The following NPAS3 variants were observed in gnomAD, a reference collection of about 807,000 sequenced individuals.
The protein encoded by NPAS3 is neuronal PAS domain protein 3, also known as neuronal PAS domain-containing protein 3.
A neutral mutation model predicts 73.1 loss-of-function variants in NPAS3; 14 were observed. The observed-to-expected ratio is 0.19, with a 90% CI of 0.13 to 0.30. NPAS3 has a LOEUF of 0.30. Among genes scored for constraint, NPAS3 ranks in the 10% least tolerant of loss-of-function variants. The pLI, the probability that NPAS3 is intolerant of heterozygous loss-of-function variation, is 1.00. For missense variants in NPAS3, 1,096 were observed against 1,250.0 expected, an observed-to-expected ratio of 0.88 and a Z score of 1.86; for synonymous variants, 620 against 541.5, an observed-to-expected ratio of 1.14 and a Z score of -2.01.
At chr14:33,216,921 G>A (rs1594419807) in intron 3 of NPAS3, among the ~76,000 whole-genome samples, 1 of 152,036 alleles carries the variant, frequency 6.6e-6, no homozygotes, top group African/African-American at 2.4e-5. Flanking sequence ...CTGCCCTTGA[G>A]CATGTAGATA....
intron 1 of NPAS3, among the ~76,000 whole-genome samples, chr14:32,941,371 T>G (rs1250773905): frequency 1.5e-5 from 2 of 136,128 alleles, no homozygotes; most frequent in Non-Finnish European, 3.1e-5. Context: ...CTGTTGTTAA[T>G]AAATATGTTT....
At chr14:33,564,949 C>T (rs1293520640) in intron 5 of NPAS3, among the ~76,000 whole-genome samples, 1 of 152,172 alleles carries the variant, frequency 6.6e-6, no homozygotes, top group Non-Finnish European at 1.5e-5. Flanking sequence ...CCCCCACTGC[C>T]TCCAGTCCCC....
At chr14:33,712,403 T>C (rs1316719035) in intron 6 of NPAS3, among the ~76,000 whole-genome samples, 3 of 152,212 alleles carry the variant, frequency 2.0e-5, no homozygotes, top group Admixed American at 2.0e-4. Flanking sequence ...GCAAATAAGA[T>C]GCAAACAGGC....
At chr14:33,391,643 G>A (rs969275075) in intron 4 of NPAS3, among the ~76,000 whole-genome samples, 1 of 152,214 alleles carries the variant, frequency 6.6e-6, no homozygotes, top group African/African-American at 2.4e-5. Context: ...AAGAGAGAGT[G>A]TGTGTGAACA....
intron 4 of NPAS3, among the ~76,000 whole-genome samples, chr14:33,468,856 T>G (rs536461781): frequency 6.6e-6 from 1 of 152,132 alleles, no homozygotes; most frequent in East Asian, 1.9e-4. Flanking sequence ...TTAAAGGGAG[T>G]CTTGCCTTGT....
chr14:33,593,663 A>G (rs1050551218), intron 5 of NPAS3, among the ~76,000 whole-genome samples: 2 of 152,234 alleles, frequency 1.3e-5, no homozygotes, highest in East Asian at 3.8e-4. Flanking sequence ...AATGATTTCT[A>G]AGGTTTCTTC....
chr14:32,966,496 C>T (rs559791530), intron 1 of NPAS3, among the ~76,000 whole-genome samples: 2 of 152,162 alleles, frequency 1.3e-5, no homozygotes, highest in Admixed American at 6.5e-5. Flanking sequence ...TGGATATCTA[C>T]ATGTGGAAGA....
rs930024532 is a variant in NPAS3 at position 33,329,016 on chromosome 14, AT to A, written c.386-38162del. On this transcript the variant is annotated intron_variant, in intron 3 of 11. Coordinates refer to ENST00000356141, the Ensembl canonical transcript of NPAS3. Reference sequence around the variant, plus strand: ...CTAACATGTAAGGACTTTTTTCTCTATTTTTTTTGGCATTAATTTTACTGCT... The same window carrying A: ...CTAACATGTAAGGACTTTTTTCTCTATTTTTTTGGCATTAATTTTACTGCT... Among the ~76,000 whole-genome samples, 116 of 151,608 alleles carry A rather than the reference AT, an allele frequency of 7.7e-4. 1 individual carries two copies. Among genetic ancestry groups the A allele is most frequent in the African/African-American group, 1.8e-3 (75 of 41,320 alleles).
intron 2 of NPAS3, among the ~76,000 whole-genome samples, chr14:33,110,714 T>C (rs1470273798): frequency 6.6e-6 from 1 of 152,210 alleles, no homozygotes; most frequent in African/African-American, 2.4e-5. Flanking sequence ...TACTGCTTCC[T>C]GGGATTCATA....
chr14:33,236,547 T>A (rs1222961475), intron 3 of NPAS3, among the ~76,000 whole-genome samples: 1 of 152,064 alleles, frequency 6.6e-6, no homozygotes, highest in Non-Finnish European at 1.5e-5. Context: ...TGTGAGAGCA[T>A]CGAATATCAG....
At chr14:33,374,385 C>A (rs2046227447) in intron 4 of NPAS3, among the ~76,000 whole-genome samples, 1 of 152,014 alleles carries the variant, frequency 6.6e-6, no homozygotes. Flanking sequence ...TGGTAAAGGG[C>A]ATATCCTAGA....
At position 33,800,873 on chromosome 14, in the gene NPAS3, G is replaced by T. The variant is rs749733143; in HGVS notation, c.2566G>T (p.Val856Phe). ...CGCGCACGCTGTTAACTTCGTGGAC[G>T]TTAACAGCCCCGGCTTTGGCCTCGA... Residue 856 changes from valine to phenylalanine, a missense_variant, in exon 12 of 12, where the codon GTT becomes TTT. Physicochemically the swap from Val to Phe is conservative, Grantham distance 50. This residue lies in a region of NPAS3 where 698 missense variants were observed against 676.7 expected (regional missense o/e 1.03). Transcript: ENST00000356141. This position sits in a 1 kb window ranked among gnomAD's most constrained non-coding sequence, Gnocchi z 6.5. The T allele has an allele frequency of 1.2e-6, 2 of 1,606,372 alleles. No individual in the cohort carries two copies. Among genetic ancestry groups the T allele is most frequent in the East Asian group, 4.5e-5 (2 of 44,448 alleles).
At chr14:33,139,814 A>T (rs1464034582) in intron 2 of NPAS3, among the ~76,000 whole-genome samples, 1 of 152,214 alleles carries the variant, frequency 6.6e-6, no homozygotes, top group Non-Finnish European at 1.5e-5. Context: ...TGCAGATCGT[A>T]GAACACTTCC....
intron 7 of NPAS3, among the ~76,000 whole-genome samples, chr14:33,761,270 C>A (rs2062278512): frequency 6.6e-6 from 1 of 152,030 alleles, no homozygotes; most frequent in Non-Finnish European, 1.5e-5. Context: ...GCTCACTAAG[C>A]CTTTACACTG....
At chr14:32,953,653 G>C (rs117670870) in intron 1 of NPAS3, among the ~76,000 whole-genome samples, 4 of 152,082 alleles carry the variant, frequency 2.6e-5, no homozygotes, top group Admixed American at 2.6e-4. Flanking sequence ...TGAATGCCGG[G>C]TCGGAGATGA....
At chr14:33,531,813 ACT>A (rs1270583811) in intron 4 of NPAS3, among the ~76,000 whole-genome samples, 3 of 152,122 alleles carry the variant, frequency 2.0e-5, no homozygotes, top group African/African-American at 7.2e-5. Flanking sequence ...GTTATTCTGC[ACT>A]GTTGTCAGCA....
Position 33,365,051 on chromosome 14 carries a change from T to C in NPAS3, c.386-2135T>C, listed in dbSNP as rs556083430. Among the ~76,000 whole-genome samples the C allele has an allele frequency of 1.3e-4, 19 of 151,848 alleles. No homozygotes were observed. The East Asian group carries it at 3.5e-3, about 28-fold the overall frequency. ...CAGTGATTTATTTTGAACTTTGTAA[T>C]TGGAGTCCCTGAAGTGCCCCCCCAA... On this transcript the variant is annotated intron_variant, in intron 3 of 11. Coordinates refer to ENST00000356141, the Ensembl canonical transcript of NPAS3.
At chr14:33,093,637 A>G (rs868442837) in intron 2 of NPAS3, among the ~76,000 whole-genome samples, 1 of 152,188 alleles carries the variant, frequency 6.6e-6, no homozygotes, top group South Asian at 2.1e-4. Context: ...CCAAAGGATT[A>G]TAAATCATGC....
intron 4 of NPAS3, among the ~76,000 whole-genome samples, chr14:33,466,811 G>A (rs188597192): frequency 2.0e-5 from 3 of 152,236 alleles, no homozygotes; most frequent in Admixed American, 6.5e-5. Context: ...TACCAAGGGA[G>A]ATGCTGCTAA....
Sources: allele counts gnomAD v4.1 joint callset (sites outside exome capture counted in the v4.1 genomes callset), GRCh38; gene constraint gnomAD v4.1.1; regional missense constraint gnomAD v4.1.1; non-coding constraint Gnocchi (gnomAD v3.1); transcripts MANE v1.5; gene names NCBI Gene and HGNC (gene_info 2026-07-23, HGNC 2026-07-21).